The following MACROD2 variants were observed in gnomAD, a reference collection of about 807,000 sequenced individuals.
The protein encoded by MACROD2 is mono-ADP ribosylhydrolase 2.
A neutral mutation model predicts 70.4 loss-of-function variants in MACROD2; 36 were observed. The ratio of observed to expected loss-of-function variants is 0.51; its 90% confidence interval spans 0.39 to 0.68. MACROD2 has a LOEUF of 0.68. MACROD2 is among the 30% of genes least tolerant of loss of function. MACROD2 has a pLI of 0.00. For synonymous variants in MACROD2, 172 were observed against 178.8 expected, an observed-to-expected ratio of 0.96 and a Z score of 0.30; for missense variants, 496 against 538.4, an observed-to-expected ratio of 0.92 and a Z score of 0.78.
At chr20:14,838,549 A>G (rs1183072227) in intron 5 of MACROD2, among the ~76,000 whole-genome samples, 1 of 152,140 alleles carries the variant, frequency 6.6e-6, no homozygotes, top group Non-Finnish European at 1.5e-5. Context: ...ATCACCACAG[A>G]TAGAATATTG....
intron 4 of MACROD2, among the ~76,000 whole-genome samples, chr20:14,634,480 C>T (rs1297342390): frequency 6.6e-6 from 1 of 152,142 alleles, no homozygotes; most frequent in Non-Finnish European, 1.5e-5. Context: ...ATTCATAAAC[C>T]TTGTGACTGT....
chr20:14,736,221 G>C (rs1160219496), intron 5 of MACROD2, among the ~76,000 whole-genome samples: 1 of 152,100 alleles, frequency 6.6e-6, no homozygotes, highest in Non-Finnish European at 1.5e-5. Context: ...AGTGAAAAAA[G>C]CCAGACACAG....
chr20:15,003,339 A>T (rs1344489419), intron 5 of MACROD2, among the ~76,000 whole-genome samples: 3 of 152,224 alleles, frequency 2.0e-5, no homozygotes, highest in African/African-American at 4.8e-5. Flanking sequence ...AATAGCATTT[A>T]TTAAGGGCCT....
chr20:14,225,076 C>G (rs1380606775), intron 3 of MACROD2, among the ~76,000 whole-genome samples: 3 of 152,168 alleles, frequency 2.0e-5, no homozygotes, highest in African/African-American at 7.2e-5. Context: ...GATGGGTGTT[C>G]ACTGACATCT....
chr20:15,255,077 T>C (rs1355743881), intron 6 of MACROD2, among the ~76,000 whole-genome samples: 1 of 151,956 alleles, frequency 6.6e-6, no homozygotes. Context: ...TTGCCAAAAC[T>C]TTAAAAATGT....
rs115163658 is a variant in MACROD2 at position 15,389,851 on chromosome 20, T to G, written c.541-41554T>G. On this transcript the variant is annotated intron_variant, in intron 6 of 17. Transcript: ENST00000684519. ...ATAACTGTTCCTTCCCAGTCTACTGTAGGGAGTTCAGTGTTGCCTTAAATG... is the reference window on the plus strand; with the variant it reads ...ATAACTGTTCCTTCCCAGTCTACTGGAGGGAGTTCAGTGTTGCCTTAAATG... Among the ~76,000 whole-genome samples the G allele has an allele frequency of 3.5e-3, 530 of 152,320 alleles. 8 individuals carry two copies. Among genetic ancestry groups the G allele is most frequent in the African/African-American group, 0.012 (481 of 41,566 alleles).
chr20:15,442,374 A>T (rs2046507575), intron 7 of MACROD2, among the ~76,000 whole-genome samples: 2 of 152,106 alleles, frequency 1.3e-5, no homozygotes, highest in South Asian at 4.1e-4. Flanking sequence ...TTTATTTACC[A>T]CTCTGCTAAC....
intron 8 of MACROD2, among the ~76,000 whole-genome samples, chr20:15,533,675 C>G (rs1194397270): frequency 1.3e-5 from 2 of 152,002 alleles, no homozygotes; most frequent in Non-Finnish European, 2.9e-5. Context: ...AGGTACTTTG[C>G]AGGCATAGCT....
At chr20:15,602,584 C>G (rs1486890983) in intron 8 of MACROD2, among the ~76,000 whole-genome samples, 10 of 152,038 alleles carry the variant, frequency 6.6e-5, no homozygotes, top group Middle Eastern at 3.4e-3. Flanking sequence ...CTTTATTAGC[C>G]CAGGATCTAT....
intron 3 of MACROD2, among the ~76,000 whole-genome samples, chr20:14,372,772 A>T (rs1228926623): frequency 1.3e-5 from 2 of 152,112 alleles, no homozygotes; most frequent in Admixed American, 6.6e-5. Flanking sequence ...CTTAGGCTTT[A>T]AAAAAGTTTC....
intron 5 of MACROD2, among the ~76,000 whole-genome samples, chr20:15,085,426 T>G (rs1457274374): frequency 6.6e-6 from 1 of 152,010 alleles, no homozygotes; most frequent in Non-Finnish European, 1.5e-5. Context: ...ACTTTTGTGC[T>G]TCAAAGGACA....
intron 15 of MACROD2, among the ~76,000 whole-genome samples, chr20:16,036,996 A>G (rs532090685): frequency 6.6e-6 from 1 of 152,138 alleles, no homozygotes; most frequent in South Asian, 2.1e-4. Context: ...CCTCTGCTCC[A>G]GGAATATAGT....
chr20:15,307,862 G>T (rs114817217), intron 6 of MACROD2, among the ~76,000 whole-genome samples: 2,437 of 152,042 alleles, frequency 0.016, 71 homozygotes, highest in African/African-American at 0.056. Context: ...TTTGTCTTTT[G>T]TGACTTTGAC....
intron 5 of MACROD2, among the ~76,000 whole-genome samples, chr20:14,971,460 C>G (rs2074690633): frequency 6.6e-6 from 1 of 151,594 alleles, no homozygotes; most frequent in African/African-American, 2.4e-5. Flanking sequence ...AGGGGGGGGA[C>G]TCTGAATTAC....
chr20:14,720,811 C>T (rs1039343197), intron 5 of MACROD2, among the ~76,000 whole-genome samples: 1 of 151,936 alleles, frequency 6.6e-6, no homozygotes, highest in Non-Finnish European at 1.5e-5. Flanking sequence ...CTCAGCCCCG[C>T]AATGTGCTGG....
At chr20:15,399,926 G>A (rs562747754) in intron 6 of MACROD2, among the ~76,000 whole-genome samples, 1 of 152,272 alleles carries the variant, frequency 6.6e-6, no homozygotes, top group East Asian at 1.9e-4. Flanking sequence ...TGCTATGAGA[G>A]GGGTCATTGT....
intron 4 of MACROD2, among the ~76,000 whole-genome samples, chr20:14,497,813 A>G (rs1465242140): frequency 1.3e-5 from 2 of 151,836 alleles, no homozygotes; most frequent in African/African-American, 4.9e-5. Flanking sequence ...TTGATACCTT[A>G]TTCCTGAGTT....
At chr20:15,275,880 A>G (rs539423668) in intron 6 of MACROD2, among the ~76,000 whole-genome samples, 2 of 152,276 alleles carry the variant, frequency 1.3e-5, no homozygotes, top group East Asian at 3.9e-4. Context: ...TCCCTTCACT[A>G]TCACTGAAGG....
chr20:14,396,635 T>G (rs976403960), intron 3 of MACROD2, among the ~76,000 whole-genome samples: 1 of 152,102 alleles, frequency 6.6e-6, no homozygotes, highest in Non-Finnish European at 1.5e-5. Context: ...ATTTTTAAAA[T>G]CCAATCTGGG....
Sources: allele counts gnomAD v4.1 joint callset (sites outside exome capture counted in the v4.1 genomes callset), GRCh38; gene constraint gnomAD v4.1.1; transcripts MANE v1.5; gene names NCBI Gene and HGNC (gene_info 2026-07-23, HGNC 2026-07-21).